The following ESRP1 variants were observed in gnomAD, a reference collection of about 807,000 sequenced individuals.
The protein encoded by ESRP1 is RNA-binding motif protein 35A.
A neutral mutation model predicts 81.7 loss-of-function variants in ESRP1; 33 were observed. The observed-to-expected ratio is 0.40, with a 90% CI of 0.31 to 0.54. The LOEUF is 0.54. Ranked by LOEUF, ESRP1 falls within the 20% of genes least tolerant of loss-of-function variation. The probability of loss-of-function intolerance (pLI) is 0.41; values close to 1 mark genes in which losing one functional copy is unlikely to be tolerated. For missense variants in ESRP1, 672 were observed against 833.1 expected (o/e 0.81, Z 2.38); for synonymous variants, 320 against 303.3 (o/e 1.06, Z -0.57).
intron 6 of ESRP1, among the ~76,000 whole-genome samples, chr8:94,664,120 C>CT (rs755384250): frequency 0.067 from 6,626 of 98,474 alleles, 791 homozygotes; most frequent in African/African-American, 0.21. Flanking sequence ...ATTTCCTCAG[C>CT]TTTTTTTTTT....
At chr8:94,662,702 G>T (rs3764239) in intron 6 of ESRP1, 147 bp downstream of exon 6, 1 of 614,752 alleles carries the variant, frequency 1.6e-6, no homozygotes, top group Non-Finnish European at 2.8e-6. Flanking sequence ...CCGCCTCCCG[G>T]GTTCATGCCA....
chr8:94,685,096 T>G (rs990349597), intron 13 of ESRP1, among the ~76,000 whole-genome samples: 3 of 152,122 alleles, frequency 2.0e-5, no homozygotes, highest in African/African-American at 7.2e-5. Flanking sequence ...ACTCTCATAC[T>G]TCTGACTACC....
intron 12 of ESRP1, among the ~76,000 whole-genome samples, chr8:94,677,637 T>G (rs1333322956): frequency 6.6e-6 from 1 of 152,186 alleles, no homozygotes; most frequent in African/African-American, 2.4e-5. Flanking sequence ...GTGGCTAGCC[T>G]TTAGGTGAGA....
intron 12 of ESRP1, 123 bp from the exon 13 acceptor site, chr8:94,678,080 A>G (rs1808713688): frequency 9.9e-7 from 1 of 1,011,188 alleles, no homozygotes; most frequent in Non-Finnish European, 1.4e-6. Context: ...TTGGGATAGG[A>G]TAAAGAACTG....
chr8:94,701,509 G>A (rs71532329), intron 15 of ESRP1, among the ~76,000 whole-genome samples: 5,450 of 152,142 alleles, frequency 0.036, 145 homozygotes, highest in Non-Finnish European at 0.05. Flanking sequence ...ATTGGGTGTC[G>A]GGCTGGAAGA....
intron 9 of ESRP1, among the ~76,000 whole-genome samples, chr8:94,666,856 A>C (rs1819040574): frequency 6.6e-6 from 1 of 152,190 alleles, no homozygotes; most frequent in African/African-American, 2.4e-5. Context: ...TGGCAAAGTC[A>C]ATTGTTTATA....
Position 94,697,009 on chromosome 8 carries a change from A to G in ESRP1, c.*35+48A>G, listed in dbSNP as rs191039812. 1.1e-4 allele frequency: 148 copies of G among 1,293,558 alleles called. No individual in the cohort carries two copies. In the African/African-American group the frequency reaches 1.9e-3, roughly 17 times the overall value. The allele number at this position is 1,293,558 out of a possible 1,614,324, so 80.1% of individuals were successfully genotyped here. On this transcript the variant is annotated intron_variant, in intron 15 of 15. Transcript: ENST00000433389. ...TTAAATTATAAAGGGCCAAACAGAG[A>G]TCAAGATTCTGAAGGCATTTAGAAA...
chr8:94,676,515 T>G (rs1202014383), intron 12 of ESRP1, among the ~76,000 whole-genome samples: 2 of 151,658 alleles, frequency 1.3e-5, no homozygotes, highest in African/African-American at 4.9e-5. Context: ...TTTTGTTTTG[T>G]TTTGAGACGG....
Position 94,659,361 on chromosome 8 carries a change from GT to G in ESRP1, c.491-2907del, listed in dbSNP as rs145056405. ...AGTGATCTTTGTTACTGGTGTAATT[GT>G]TTTGGGGCACCATAAAGCAGGGCCA... On this transcript the variant is annotated intron_variant, in intron 4 of 15. Coordinates refer to ENST00000433389, the MANE Select transcript of ESRP1 (RefSeq NM_017697.4). Among the ~76,000 whole-genome samples, 294 of 152,222 alleles carry G rather than the reference GT, an allele frequency of 1.9e-3. 2 individuals carry two copies. The highest frequency in any genetic ancestry group is 6.9e-3 in the African/African-American group (286 of 41,540).
At position 94,656,366 on chromosome 8, in the gene ESRP1, G is replaced by A. The variant is rs533981928; in HGVS notation, c.491-5906G>A. Among the ~76,000 whole-genome samples the A allele has an allele frequency of 5.3e-5, 8 of 152,112 alleles. No homozygotes were observed. In the South Asian group the frequency reaches 1.5e-3, roughly 28 times the overall value. ...CCCGAGTAGCTGGGACTACAGGCGCGTGCCACCACGCCCGGCTAATTTTTT... is the reference window on the plus strand; with the variant it reads ...CCCGAGTAGCTGGGACTACAGGCGCATGCCACCACGCCCGGCTAATTTTTT... On this transcript the variant is annotated intron_variant, in intron 4 of 15. Transcript: ENST00000433389.
intron 15 of ESRP1, among the ~76,000 whole-genome samples, chr8:94,705,194 G>T (rs1196398957): frequency 1.8e-5 from 2 of 111,798 alleles, no homozygotes; most frequent in Non-Finnish European, 1.7e-5. Context: ...TTGAGACAGA[G>T]TCTCCCTCTG....
At chr8:94,650,837 G>A (rs780039560) in intron 4 of ESRP1, among the ~76,000 whole-genome samples, 22 of 151,906 alleles carry the variant, frequency 1.4e-4, no homozygotes, top group Non-Finnish European at 3.1e-4. Flanking sequence ...TCAGCCTCCC[G>A]AGTAGCTGGG....
At chr8:94,679,732 AAAAGT>A (rs1479493448) in intron 13 of ESRP1, among the ~76,000 whole-genome samples, 1 of 152,136 alleles carries the variant, frequency 6.6e-6, no homozygotes, top group African/African-American at 2.4e-5. Flanking sequence ...TGTAGTGAGT[AAAAGT>A]AAAGACTCCC....
Position 94,687,343 on chromosome 8 carries a change from A to G in ESRP1, c.1821-5334A>G, listed in dbSNP as rs565603135. Reference sequence around the variant, plus strand: ...TTTATCCATTCATCAGTTGATGGCTATTTAGAGTTTTTACACTTTTTGGCT... The same window carrying G: ...TTTATCCATTCATCAGTTGATGGCTGTTTAGAGTTTTTACACTTTTTGGCT... On this transcript the variant is annotated intron_variant, in intron 13 of 15. Transcript: ENST00000433389. Among the ~76,000 whole-genome samples, 147 of 152,298 alleles carry G rather than the reference A, an allele frequency of 9.7e-4. 1 individual carries two copies. Among genetic ancestry groups the G allele is most frequent in the Middle Eastern group, 3.4e-3 (1 of 294 alleles).
chr8:94,702,423 C>T (rs142854006), intron 15 of ESRP1, among the ~76,000 whole-genome samples: 104 of 152,190 alleles, frequency 6.8e-4, no homozygotes, highest in African/African-American at 2.4e-3. Context: ...TCTGTCTGGA[C>T]GGTTACCAGT....
At chr8:94,667,896 AGTT>A in intron 9 of ESRP1, 50 bp from the exon 10 acceptor site, 1 of 1,452,468 alleles carries the variant, frequency 6.9e-7, no homozygotes, top group Non-Finnish European at 9.3e-7. Context: ...AAATCGGTAA[AGTT>A]GATGTCTTAA....
Position 94,664,965 on chromosome 8 carries a change from G to A in ESRP1, c.794G>A (p.Arg265Lys). The A allele has an allele frequency of 6.2e-7, 1 of 1,613,506 alleles. No homozygotes were observed. The highest frequency in any genetic ancestry group is 1.7e-5 in the Admixed American group (1 of 59,960). ...CTTTGTCTGAATGCTCAGGGTCGAA[G>A]GAACGGAGAAGCTCTGGTTAGGTTT... Reference protein sequence around the residue: ...AALCLNAQGRRNGEALVRFVS... With the variant: ...AALCLNAQGRKNGEALVRFVS... The change falls in exon 8 of 16, where the codon AGG becomes AAG. Residue 265 changes from arginine (R) to lysine (K), a missense_variant. Arg to Lys is a conservative substitution (Grantham distance 26, BLOSUM62 2). Transcript: ENST00000433389.
chr8:94,678,130 AT>A (rs975479344), intron 12 of ESRP1, 72 bp from the exon 13 acceptor site: 123 of 1,473,074 alleles, frequency 8.3e-5, no homozygotes, highest in Middle Eastern at 5.3e-4. Context: ...AACAGTGACT[AT>A]GTTTTTAGTG....
intron 14 of ESRP1, among the ~76,000 whole-genome samples, chr8:94,693,389 C>T (rs1809480067): frequency 6.6e-6 from 1 of 152,154 alleles, no homozygotes; most frequent in African/African-American, 2.4e-5. Flanking sequence ...TTGCTCTTGG[C>T]AGTTTTTTTC....
Sources: gnomAD v4.1 joint callset for allele counts (sites outside exome capture counted in the v4.1 genomes callset) on GRCh38, gnomAD v4.1.1 for gene constraint, MANE v1.5 for transcripts, NCBI Gene and HGNC (gene_info 2026-07-23, HGNC 2026-07-21) for gene names.